PYROXD1: variants seen among roughly 807,000 people sequenced by gnomAD.
PYROXD1 encodes pyridine nucleotide-disulphide oxidoreductase domain 1.
A neutral mutation model predicts 62.0 loss-of-function variants in PYROXD1; 42 were observed. That is an observed-to-expected ratio of 0.68 (90% confidence interval 0.53 to 0.88). The LOEUF is 0.88. Among genes scored for constraint, PYROXD1 ranks in the 40% least tolerant of loss-of-function variants. PYROXD1 has a pLI of 0.00. For missense variants in PYROXD1, 493 were observed against 604.8 expected (o/e 0.82, Z 1.94); for synonymous variants, 170 against 206.4 (o/e 0.82, Z 1.51).
intron 1 of PYROXD1, among the ~76,000 whole-genome samples, 153 bp from the exon 2 acceptor site, chr12:21,440,215 A>C (rs1942267666): frequency 6.6e-6 from 1 of 152,210 alleles, no homozygotes; most frequent in African/African-American, 2.4e-5. Flanking sequence ...ATCAAGACCA[A>C]GGATAATGGA....
chr12:21,449,375 A>T (rs1048652247), intron 3 of PYROXD1, among the ~76,000 whole-genome samples, 188 bp from the exon 4 acceptor site: 9 of 152,176 alleles, frequency 5.9e-5, no homozygotes, highest in African/African-American at 2.2e-4. Flanking sequence ...TTTAAGAATA[A>T]CTGGATTAGT....
intron 11 of PYROXD1, 55 bp downstream of exon 11, chr12:21,467,673 ATAAAT>A (rs1401272069): frequency 3.9e-6 from 5 of 1,295,342 alleles, no homozygotes; most frequent in Non-Finnish European, 5.4e-6. Context: ...TATGACTATG[ATAAAT>A]CATGTGATTT....
chr12:21,452,149 G>A lies in PYROXD1; in HGVS notation c.483G>A (p.Glu161=). 1 of 1,544,878 alleles carries A rather than the reference G, an allele frequency of 6.5e-7. No individual in the cohort carries two copies. The highest frequency in any genetic ancestry group is 8.8e-7 in the Non-Finnish European group (1 of 1,138,054). ...TAGGGAACGGTGGTATTGCACTTGA[G>A]TTAGTGTAAGTATATATTTTTAAAT... is the stretch of plus-strand genomic sequence containing the variant. ...MIIGNGGIAL[E]LVYEIEGCEV... Residue 161 remains glutamate (E), a synonymous_variant, in exon 5 of 12, where the codon GAG becomes GAA. Transcript: ENST00000240651.
chr12:21,447,336 T>C (rs1781581970), intron 3 of PYROXD1, among the ~76,000 whole-genome samples: 1 of 152,216 alleles, frequency 6.6e-6, no homozygotes, highest in East Asian at 1.9e-4. Flanking sequence ...CAGATAAGTT[T>C]CTAATACTTA....
intron 2 of PYROXD1, among the ~76,000 whole-genome samples, chr12:21,444,319 T>C (rs1942347859): frequency 6.6e-6 from 1 of 152,190 alleles, no homozygotes; most frequent in African/African-American, 2.4e-5. Context: ...AGTACCTATA[T>C]TATATATTAA....
chr12:21,469,286 C>T lies in PYROXD1; in HGVS notation c.*532C>T, dbSNP rs74067190. On this transcript the variant is annotated 3_prime_UTR_variant, in exon 12 of 12. Transcript: ENST00000240651. ...CATCTACAAGCTTGTCCAACTCTAG[C>T]CCACGGGTCTAATGCAGCCCAGAAC... is the stretch of plus-strand genomic sequence containing the variant. The T allele has an allele frequency of 0.019, 2,882 of 154,590 alleles. 83 individuals carry two copies. The highest frequency in any genetic ancestry group is 0.065 in the African/African-American group (2,678 of 41,490). 9.6% of individuals were successfully genotyped at this position (154,590 alleles called of 1,614,324 possible).
chr12:21,458,382 A>C (rs765728900), intron 7 of PYROXD1, among the ~76,000 whole-genome samples: 16 of 152,120 alleles, frequency 1.1e-4, no homozygotes, highest in Non-Finnish European at 2.4e-4. Context: ...TTCTCTCCAC[A>C]CCACTAAAAC....
chr12:21,462,143 A>G (rs779462183), intron 9 of PYROXD1, 23 bp downstream of exon 9: 1 of 1,335,056 alleles, frequency 7.5e-7, no homozygotes, highest in Non-Finnish European at 1.1e-6. Flanking sequence ...TTTTTTGTCC[A>G]GCTGTGAATA....
At position 21,468,592 on chromosome 12, in the gene PYROXD1, C is replaced by T; in HGVS notation, c.1341C>T (p.Ile447=). ...MLRCTKGREY[I]KVVMQNGRMM... Reference sequence around the variant, plus strand: ...GATGTACCAAAGGACGAGAATACATCAAAGTCGTCATGCAAAATGGACGAA... The same window carrying T: ...GATGTACCAAAGGACGAGAATACATTAAAGTCGTCATGCAAAATGGACGAA... The change falls in exon 12 of 12, where the codon ATC becomes ATT. Residue 447 remains isoleucine (I), a synonymous_variant. Coordinates refer to ENST00000240651, the MANE Select transcript of PYROXD1 (RefSeq NM_024854.5). 3.1e-6 allele frequency: 5 copies of T among 1,613,084 alleles called. No individual in the cohort carries two copies. Among genetic ancestry groups the T allele is most frequent in the Non-Finnish European group, 8.5e-7 (1 of 1,179,408 alleles).
chr12:21,447,277 A>G (rs958823951), intron 3 of PYROXD1, among the ~76,000 whole-genome samples: 1 of 152,206 alleles, frequency 6.6e-6, no homozygotes, highest in Non-Finnish European at 1.5e-5. Flanking sequence ...TTGAGAGAAA[A>G]AAGTACTGAA....
chr12:21,459,324 C>CT (rs1175016142), intron 7 of PYROXD1, among the ~76,000 whole-genome samples: 1 of 152,186 alleles, frequency 6.6e-6, no homozygotes, highest in Non-Finnish European at 1.5e-5. Flanking sequence ...TTCTGGATAG[C>CT]TGAACATGTG....
At chr12:21,459,040 T>A (rs139504163) in intron 7 of PYROXD1, among the ~76,000 whole-genome samples, 5 of 152,314 alleles carry the variant, frequency 3.3e-5, no homozygotes, top group African/African-American at 1.2e-4. Context: ...ATGTTGTGTC[T>A]GCAGTTTTCT....
chr12:21,437,859 A>T, intron 1 of PYROXD1, 45 bp downstream of exon 1: 3 of 1,538,220 alleles, frequency 2.0e-6, no homozygotes, highest in Non-Finnish European at 1.8e-6. Flanking sequence ...CCGACCCCAA[A>T]GGGGATAGCA....
rs1370132145 is a variant in PYROXD1, at chr12:21,441,402, A to G, written c.165+954A>G. On this transcript the variant is annotated intron_variant, in intron 2 of 11. Transcript: ENST00000240651. Reference sequence around the variant, plus strand: ...CTTGTCTCCTTCTATAACGCCTATAATTCAAAGATTTGCTCATTTGATGCC... The same window carrying G: ...CTTGTCTCCTTCTATAACGCCTATAGTTCAAAGATTTGCTCATTTGATGCC... 5 of 152,122 alleles carry G rather than the reference A, an allele frequency of 3.3e-5. No individual in the cohort carries two copies. The East Asian group carries it at 7.9e-4, about 24-fold the overall frequency. 9.4% of individuals were successfully genotyped at this position (152,122 alleles called of 1,614,324 possible).
intron 7 of PYROXD1, among the ~76,000 whole-genome samples, chr12:21,457,407 A>G (rs921828060): frequency 6.6e-6 from 1 of 151,326 alleles, no homozygotes; most frequent in Non-Finnish European, 1.5e-5. Flanking sequence ...ATGCCTTGTC[A>G]ATGAGTGTAG....
In PYROXD1 at chr12:21,468,492, A is replaced by G; in HGVS notation, c.1255-14A>G. The G allele has an allele frequency of 1.9e-6, 3 of 1,601,790 alleles. No homozygotes were observed. Among genetic ancestry groups the G allele is most frequent in the Non-Finnish European group, 2.6e-6 (3 of 1,171,186 alleles). ...TGATACTCATGACAATAACCTTTTT[A>G]TCTCTAAATATAGGTTGTACTGCTG... On this transcript the variant is annotated splice_polypyrimidine_tract_variant and intron_variant, in intron 11 of 11. Coordinates refer to ENST00000240651, the MANE Select transcript of PYROXD1 (RefSeq NM_024854.5).
At position 21,449,705 on chromosome 12, in the gene PYROXD1, G is replaced by T. The variant is rs778904159; in HGVS notation, c.414+14G>T. On this transcript the variant is annotated intron_variant, in intron 4 of 11. Coordinates refer to ENST00000240651, the MANE Select transcript of PYROXD1 (RefSeq NM_024854.5). ...GACAGTGCTCAGGTAACATTTTAAG[G>T]TTGGATCGTGAGAAGGAAAATAAAA... The T allele has an allele frequency of 3.8e-6, 6 of 1,588,868 alleles. No homozygotes were observed. The highest frequency in any genetic ancestry group is 1.7e-4 in the Middle Eastern group (1 of 5,930).
At chr12:21,462,389 C>G (rs576904608) in intron 9 of PYROXD1, among the ~76,000 whole-genome samples, 1 of 151,902 alleles carries the variant, frequency 6.6e-6, no homozygotes, top group Admixed American at 6.6e-5. Flanking sequence ...TGACACCTCC[C>G]GTGACTTCTC....
chr12:21,446,877 T>C lies in PYROXD1; in HGVS notation c.285+1411T>C, dbSNP rs535085398. Among the ~76,000 whole-genome samples, 8 of 152,302 alleles carry C rather than the reference T, an allele frequency of 5.3e-5. No homozygotes were observed. The East Asian group carries it at 1.3e-3, about 26-fold the overall frequency. Reference sequence around the variant, plus strand: ...CTGCAGTTAGCTGTGATTGCGCCACTGCACTCCAGCCTGGGCAACAGAGTG... The same window carrying C: ...CTGCAGTTAGCTGTGATTGCGCCACCGCACTCCAGCCTGGGCAACAGAGTG... On this transcript the variant is annotated intron_variant, in intron 3 of 11. Transcript: ENST00000240651.
Sources: allele counts gnomAD v4.1 joint callset (sites outside exome capture counted in the v4.1 genomes callset), GRCh38; gene constraint gnomAD v4.1.1; transcripts MANE v1.5; gene names NCBI Gene and HGNC (gene_info 2026-07-23, HGNC 2026-07-21).